Variants in BRD4 observed in about 807,000 individuals in gnomAD.
BRD4 encodes the protein bromodomain-containing protein 4.
Under a neutral mutation model 142.1 loss-of-function variants are expected in BRD4, and 16 were observed. The observed-to-expected ratio is 0.11, with a 90% CI of 0.08 to 0.17. The LOEUF is 0.17. Ranked by LOEUF, BRD4 falls within the 10% of genes least tolerant of loss-of-function variation. BRD4 has a pLI of 1.00. For missense variants in BRD4, 1,424 were observed against 1,810.9 expected (o/e 0.79, Z 3.88); for synonymous variants, 833 against 707.5 (o/e 1.18, Z -2.82).
rs2145498622 is a variant in BRD4, at chr19:15,238,931, C to T, written c.3832G>A (p.Glu1278Lys). The change falls in exon 19 of 20, where the codon GAG (glutamate) becomes AAG (lysine). Residue 1278 changes from glutamate to lysine, a missense_variant. This residue lies in a region of BRD4 where 109 missense variants were observed against 117.9 expected (regional missense o/e 0.92). Coordinates refer to ENST00000679869, the MANE Select transcript of BRD4 (RefSeq NM_001379291.1). This position sits in a 1 kb window ranked among gnomAD's most constrained non-coding sequence, Gnocchi z 7.2. ...ALEQARRAHE[E>K]ARRRQEQQQQ... ...TGCTGCTCCTGGCGCCGACGTGCCT[C>T]CTCATGGGCCCGCCGGGCCTGCTCC... is the stretch of plus-strand genomic sequence containing the variant. The T allele has an allele frequency of 1.3e-6, 2 of 1,598,802 alleles. No homozygotes were observed. The highest frequency in any genetic ancestry group is 1.1e-5 in the South Asian group (1 of 89,598).
In BRD4 at chr19:15,263,681, G is replaced by T. The variant is rs192362102; in HGVS notation, c.1213-133C>A. 4,543 of 1,135,750 alleles carry T rather than the reference G, an allele frequency of 4.0e-3. 19 individuals are homozygous for T. The highest frequency in any genetic ancestry group is 4.8e-3 in the Non-Finnish European group (3,771 of 786,432). 70.4% of individuals were successfully genotyped at this position (1,135,750 alleles called of 1,614,324 possible). A position where few individuals can be genotyped will look rare whatever the true frequency, so the allele number is the denominator to read the frequency against. On this transcript the variant is annotated intron_variant, in intron 6 of 19. Transcript: ENST00000679869. Reference sequence around the variant, plus strand: ...CTCTCAGTTTGGTCAAGACTCTAGTGGGGGGACAGGCCATCACCCCAGTTC... The same window carrying T: ...CTCTCAGTTTGGTCAAGACTCTAGTTGGGGGACAGGCCATCACCCCAGTTC...
chr19:15,242,561 T>C (rs878978374), intron 14 of BRD4, among the ~76,000 whole-genome samples: 1 of 152,116 alleles, frequency 6.6e-6, no homozygotes, highest in African/African-American at 2.4e-5. Flanking sequence ...CACTGCCTCT[T>C]GGAAGCATAT....
chr19:15,273,204 C>T lies in BRD4; in HGVS notation c.-34-71G>A, dbSNP rs1316978362. On this transcript the variant is annotated intron_variant, in intron 1 of 19. Coordinates refer to ENST00000679869, the MANE Select transcript of BRD4 (RefSeq NM_001379291.1). ...GGGCACCGCTCAGAATGACAAGTCC[C>T]TCTGGCTGTGGTCTCCAAGGACTGA... 44 of 1,443,806 alleles carry T rather than the reference C, an allele frequency of 3.0e-5. No homozygotes were observed. The East Asian group carries it at 1.0e-3, about 33-fold the overall frequency. The allele number at this position is 1,443,806 out of a possible 1,614,324, so 89.4% of individuals were successfully genotyped here.
intron 1 of BRD4, among the ~76,000 whole-genome samples, chr19:15,294,181 G>A (rs879188352): frequency 6.6e-6 from 1 of 152,238 alleles, no homozygotes; most frequent in Non-Finnish European, 1.5e-5. Context: ...CTCATACTCT[G>A]AAACTAAACA....
chr19:15,302,208 GAATA>G (rs1262317193), intron 1 of BRD4, among the ~76,000 whole-genome samples: 1 of 151,842 alleles, frequency 6.6e-6, no homozygotes, highest in Non-Finnish European at 1.5e-5. Flanking sequence ...AAACTTAAGA[GAATA>G]AACAAACCAC....
In BRD4 at chr19:15,332,507, C is replaced by T. The variant is rs1409735638; in HGVS notation, c.-252G>A. Reference sequence around the variant, plus strand: ...AGACCAGAACAAACAGCCCAGCCGCCGCCGCCGCCGCCGCCGCCGCCGCCA... The same window carrying T: ...AGACCAGAACAAACAGCCCAGCCGCTGCCGCCGCCGCCGCCGCCGCCGCCA... On this transcript the variant is annotated 5_prime_UTR_variant, in exon 1 of 20. Coordinates refer to ENST00000679869, the MANE Select transcript of BRD4 (RefSeq NM_001379291.1). 1 of 156,620 alleles carries T rather than the reference C, an allele frequency of 6.4e-6. No homozygotes were observed. The highest frequency in any genetic ancestry group is 1.2e-5 in the Non-Finnish European group (1 of 80,236). 9.7% of individuals were successfully genotyped at this position (156,620 alleles called of 1,614,324 possible).
intron 1 of BRD4, among the ~76,000 whole-genome samples, chr19:15,319,570 T>C (rs1056838177): frequency 6.6e-6 from 1 of 151,092 alleles, no homozygotes; most frequent in African/African-American, 2.4e-5. Context: ...GCCAAGATCA[T>C]GCCACTGCAC....
intron 1 of BRD4, among the ~76,000 whole-genome samples, chr19:15,278,803 T>A (rs917452168): frequency 6.6e-6 from 1 of 151,948 alleles, no homozygotes; most frequent in Non-Finnish European, 1.5e-5. Context: ...AAATGTAAAT[T>A]TTCCCTCTAA....
chr19:15,258,457 T>C (rs1252903102), intron 7 of BRD4, among the ~76,000 whole-genome samples: 1 of 152,168 alleles, frequency 6.6e-6, no homozygotes, highest in Admixed American at 6.5e-5. Context: ...CTAATTTTTG[T>C]ATTTTTAGCA....
At chr19:15,242,416 G>C (rs1315420013) in intron 14 of BRD4, among the ~76,000 whole-genome samples, 1 of 152,214 alleles carries the variant, frequency 6.6e-6, no homozygotes, top group Non-Finnish European at 1.5e-5. Context: ...GCTGGTAACA[G>C]GCGATGAGGA....
At chr19:15,247,689 G>A (rs537516837) in intron 11 of BRD4, 1 of 233,032 alleles carries the variant, frequency 4.3e-6, no homozygotes, top group African/African-American at 2.2e-5. Flanking sequence ...TGTCCTGTGG[G>A]AATCTGGGCA....
rs779993356 is a variant in BRD4, at chr19:15,263,439, G to A, written c.1322C>T (p.Ala441Val). The change falls in exon 7 of 20, where the codon GCC becomes GTC. Residue 441 changes from alanine to valine, a missense_variant. By Grantham distance (64) the Ala-to-Val change is moderately conservative. Coordinates refer to ENST00000679869, the MANE Select transcript of BRD4 (RefSeq NM_001379291.1). Reference protein sequence around the residue: ...KYNPPDHEVVAMARKLQDVFE... With the variant: ...KYNPPDHEVVVMARKLQDVFE... ...CCTCACCTGGAGCTTGCGGGCCATG[G>A]CCACCACCTCATGGTCAGGAGGGTT... is the stretch of plus-strand genomic sequence containing the variant. 3.1e-6 allele frequency: 5 copies of A among 1,614,052 alleles called. No homozygotes were observed. The African/African-American group carries it at 5.3e-5, about 17-fold the overall frequency.
chr19:15,302,943 G>GC (rs1185841781), intron 1 of BRD4, among the ~76,000 whole-genome samples: 1 of 145,446 alleles, frequency 6.9e-6, no homozygotes, highest in African/African-American at 2.6e-5. Context: ...GGGAGGCGGA[G>GC]CTTGCAGTGA....
chr19:15,309,495 A>T (rs2047947951), intron 1 of BRD4, among the ~76,000 whole-genome samples: 1 of 152,190 alleles, frequency 6.6e-6, no homozygotes, highest in Non-Finnish European at 1.5e-5. Flanking sequence ...AGCCACTGTA[A>T]AACAGTCTGG....
chr19:15,250,410 A>C (rs764708584), intron 11 of BRD4, among the ~76,000 whole-genome samples: 4 of 152,208 alleles, frequency 2.6e-5, no homozygotes, highest in Non-Finnish European at 5.9e-5. Flanking sequence ...GGGGTCAGGA[A>C]GCTGAGGCTG....
intron 14 of BRD4, 118 bp from the exon 15 acceptor site, chr19:15,240,140 T>G: frequency 7.1e-7 from 1 of 1,416,936 alleles, no homozygotes; most frequent in East Asian, 2.5e-5. Context: ...GCCCAGGCCC[T>G]GGGACAAGGG....
At chr19:15,322,386 C>T (rs189010592) in intron 1 of BRD4, among the ~76,000 whole-genome samples, 2 of 152,162 alleles carry the variant, frequency 1.3e-5, no homozygotes, top group Non-Finnish European at 2.9e-5. Context: ...ATTCTCCTCC[C>T]TCAAGCCATG....
chr19:15,249,201 G>A, intron 11 of BRD4: 8 of 1,611,640 alleles, frequency 5.0e-6, no homozygotes, highest in East Asian at 2.2e-5. Flanking sequence ...TTTCACGGAA[G>A]AAAATGGACT....
At chr19:15,264,789 C>G (rs1373926072) in intron 5 of BRD4, 23 bp from the exon 6 acceptor site, 2 of 1,576,518 alleles carry the variant, frequency 1.3e-6, no homozygotes, top group African/African-American at 1.3e-5. Flanking sequence ...CGGACGCCAA[C>G]AGGCACAGTC....
Sources: allele counts gnomAD v4.1 joint callset (sites outside exome capture counted in the v4.1 genomes callset), GRCh38; gene constraint gnomAD v4.1.1; regional missense constraint gnomAD v4.1.1; non-coding constraint Gnocchi (gnomAD v3.1); transcripts MANE v1.5; gene names NCBI Gene and HGNC (gene_info 2026-07-23, HGNC 2026-07-21).